ROBO2: variants seen among roughly 807,000 people sequenced by gnomAD.
ROBO2 encodes roundabout guidance receptor 2, also known as roundabout homolog 2.
In ROBO2, 53 loss-of-function variants were observed where a neutral mutation model predicts 160.8. The ratio of observed to expected loss-of-function variants is 0.33; its 90% CI spans 0.26 to 0.41. The LOEUF (loss-of-function observed/expected upper bound fraction) is 0.41, where lower values mean the gene tolerates loss of function less well. Among genes scored for constraint, ROBO2 ranks in the 10% least tolerant of loss-of-function variants. The pLI, the probability that ROBO2 is intolerant of heterozygous loss-of-function variation, is 1.00. For missense variants in ROBO2, 1,577 were observed against 1,722.4 expected (o/e 0.92, Z 1.49); for synonymous variants, 664 against 611.7 (o/e 1.09, Z -1.26).
intron 2 of ROBO2, among the ~76,000 whole-genome samples, chr3:76,999,886 A>C (rs1290210796): frequency 1.3e-5 from 2 of 152,142 alleles, no homozygotes; most frequent in African/African-American, 4.8e-5. Flanking sequence ...TTTTCTTAAA[A>C]ATTGGTAAAG....
intron 2 of ROBO2, among the ~76,000 whole-genome samples, chr3:76,497,734 T>C (rs1198668610): frequency 3.9e-5 from 6 of 152,208 alleles, no homozygotes; most frequent in African/African-American, 1.4e-4. Context: ...CTCTAATCAG[T>C]TGAAGGTGTT....
intron 2 of ROBO2, among the ~76,000 whole-genome samples, chr3:77,254,567 A>C (rs959526565): frequency 6.6e-6 from 1 of 152,150 alleles, no homozygotes; most frequent in East Asian, 1.9e-4. Context: ...TTGAAGTTGA[A>C]TACCTTTCGG....
intron 2 of ROBO2, among the ~76,000 whole-genome samples, chr3:76,538,004 A>G (rs2082604261): frequency 1.3e-5 from 2 of 152,088 alleles, no homozygotes; most frequent in African/African-American, 2.4e-5. Flanking sequence ...TGGAGGGTCA[A>G]TCGGTGAAGG....
At chr3:77,571,982 G>A (rs2093648731) in intron 13 of ROBO2, among the ~76,000 whole-genome samples, 1 of 151,502 alleles carries the variant, frequency 6.6e-6, no homozygotes, top group South Asian at 2.1e-4. Context: ...TATACTGGCC[G>A]ATGATAGTGT....
Position 76,961,363 on chromosome 3 carries a change from A to AT in ROBO2, c.110-136642dup, listed in dbSNP as rs951716255. ...AATGTTATGCACATCGAAAATTTTC[A>AT]TTTTTTTTTCAGAGAGGGTTCACAG... is the stretch of plus-strand genomic sequence containing the variant. On this transcript the variant is annotated intron_variant, in intron 2 of 26. Coordinates refer to the ROBO2 transcript ENST00000487694. Among the ~76,000 whole-genome samples, 21 of 149,524 alleles carry AT rather than the reference A, an allele frequency of 1.4e-4. No individual in the cohort carries two copies. In the South Asian group the frequency reaches 2.1e-3, roughly 15 times the overall value.
intron 2 of ROBO2, among the ~76,000 whole-genome samples, chr3:76,202,004 C>G (rs1702558561): frequency 6.6e-6 from 1 of 151,766 alleles, no homozygotes; most frequent in Non-Finnish European, 1.5e-5. Flanking sequence ...TCCAAGGATA[C>G]TGCAGTGGAT....
chr3:77,080,864 A>AAGGAGTGG (rs2068580905), intron 1 of ROBO2, among the ~76,000 whole-genome samples: 1 of 152,190 alleles, frequency 6.6e-6, no homozygotes, highest in Non-Finnish European at 1.5e-5. Flanking sequence ...TTCCACTAAA[A>AAGGAGTGG]AGGAGTGGAT....
chr3:76,992,694 T>C (rs1000889020), intron 2 of ROBO2, among the ~76,000 whole-genome samples: 1 of 152,114 alleles, frequency 6.6e-6, no homozygotes, highest in Non-Finnish European at 1.5e-5. Flanking sequence ...AACAGAAATC[T>C]ATCTTCCCCT....
At chr3:75,920,546 C>T (rs1174214303) in intron 1 of ROBO2, among the ~76,000 whole-genome samples, 27 of 151,998 alleles carry the variant, frequency 1.8e-4, no homozygotes, top group East Asian at 3.9e-4. Flanking sequence ...CTATTAGGTC[C>T]GCTTGGACCA....
chr3:76,080,469 A>C (rs1275895305), intron 2 of ROBO2, among the ~76,000 whole-genome samples: 2 of 152,198 alleles, frequency 1.3e-5, no homozygotes, highest in African/African-American at 4.8e-5. Flanking sequence ...TGATGGTCGG[A>C]GCACAACACA....
chr3:77,465,514 C>T (rs1025085757), intron 2 of ROBO2, among the ~76,000 whole-genome samples: 2 of 152,102 alleles, frequency 1.3e-5, no homozygotes, highest in Admixed American at 6.5e-5. Context: ...GAAGGCAGTA[C>T]TATTTGTTTT....
At chr3:77,517,099 C>T (rs2090102596) in intron 5 of ROBO2, among the ~76,000 whole-genome samples, 1 of 151,404 alleles carries the variant, frequency 6.6e-6, no homozygotes, top group African/African-American at 2.4e-5. Context: ...AAGATATGTG[C>T]TTTGAAGAAA....
At chr3:76,045,379 G>T (rs2067415216) in intron 2 of ROBO2, among the ~76,000 whole-genome samples, 1 of 151,984 alleles carries the variant, frequency 6.6e-6, no homozygotes, top group African/African-American at 2.4e-5. Flanking sequence ...TGGGAGCACA[G>T]ACTCCAGTGG....
chr3:75,909,627 C>A (rs1290017281), intron 1 of ROBO2, among the ~76,000 whole-genome samples: 2 of 152,154 alleles, frequency 1.3e-5, no homozygotes, highest in Non-Finnish European at 2.9e-5. Flanking sequence ...CTTAAATTTT[C>A]TGGAATGTCA....
intron 1 of ROBO2, among the ~76,000 whole-genome samples, chr3:77,044,495 CTCTT>C (rs1254288547): frequency 3.3e-5 from 5 of 152,152 alleles, no homozygotes; most frequent in Non-Finnish European, 7.3e-5. Flanking sequence ...TCCTCTCCTT[CTCTT>C]TCTTCTTCTC....
intron 5 of ROBO2, among the ~76,000 whole-genome samples, chr3:77,517,184 T>A (rs537453833): frequency 6.6e-6 from 1 of 151,744 alleles, no homozygotes; most frequent in East Asian, 1.9e-4. Context: ...TAAAAGTAAC[T>A]GGATTGGTGG....
intron 2 of ROBO2, among the ~76,000 whole-genome samples, chr3:75,947,520 A>G (rs1363878111): frequency 1.3e-4 from 20 of 152,172 alleles, no homozygotes; most frequent in Admixed American, 1.2e-3. Flanking sequence ...CAAAGCCTGC[A>G]ATATTTACTG....
At chr3:76,128,417 C>T (rs1333027441) in intron 2 of ROBO2, among the ~76,000 whole-genome samples, 2 of 152,102 alleles carry the variant, frequency 1.3e-5, no homozygotes, top group African/African-American at 4.8e-5. Context: ...GCACATAATT[C>T]TTCCCTCTCA....
intron 2 of ROBO2, among the ~76,000 whole-genome samples, chr3:77,117,584 C>T (rs2150234233): frequency 6.6e-6 from 1 of 152,130 alleles, no homozygotes; most frequent in African/African-American, 2.4e-5. Flanking sequence ...TTTCAAAGTT[C>T]TACATAAATT....
Sources: allele counts gnomAD v4.1 joint callset (sites outside exome capture counted in the v4.1 genomes callset), GRCh38; gene constraint gnomAD v4.1.1; transcripts MANE v1.5; gene names NCBI Gene and HGNC (gene_info 2026-07-23, HGNC 2026-07-21).